Variants in EIF2AK4 observed in about 807,000 individuals in gnomAD.
The protein encoded by EIF2AK4 is eIF-2-alpha kinase GCN2.
EIF2AK4 carries 139 observed loss-of-function variants against 211.1 expected under a neutral mutation model. The ratio of observed to expected loss-of-function variants is 0.66; its 90% CI spans 0.57 to 0.76. The LOEUF is 0.76. Ranked by LOEUF, EIF2AK4 falls within the 30% of genes least tolerant of loss-of-function variation. The probability of loss-of-function intolerance (pLI) is 0.00; values close to 1 mark genes in which losing one functional copy is unlikely to be tolerated. For missense variants in EIF2AK4, 1,664 were observed against 2,043.8 expected (o/e 0.81, Z 3.58); for synonymous variants, 710 against 751.3 (o/e 0.94, Z 0.90).
chr15:39,992,411 G>T (rs541449181), intron 17 of EIF2AK4, 182 bp downstream of exon 17: 2 of 546,556 alleles, frequency 3.7e-6, no homozygotes, highest in East Asian at 5.9e-5. Flanking sequence ...ATTATTCTTT[G>T]AACTTTAAGA....
intron 16 of EIF2AK4, among the ~76,000 whole-genome samples, chr15:39,990,690 T>C (rs1000528671): frequency 6.6e-6 from 1 of 152,268 alleles, no homozygotes; most frequent in Non-Finnish European, 1.5e-5. Flanking sequence ...GGCTAGATGC[T>C]TTATACCTCA....
chr15:39,989,029 G>A (rs1226671503), intron 15 of EIF2AK4, among the ~76,000 whole-genome samples: 1 of 152,108 alleles, frequency 6.6e-6, no homozygotes, highest in Non-Finnish European at 1.5e-5. Context: ...ATTAAGCAAG[G>A]ATGTGATTAA....
chr15:40,019,472 G>C (rs1035710487), intron 30 of EIF2AK4, among the ~76,000 whole-genome samples: 1 of 152,114 alleles, frequency 6.6e-6, no homozygotes, highest in Admixed American at 6.5e-5. Context: ...GGCCTGTTAC[G>C]AACCGGGCCG....
intron 4 of EIF2AK4, among the ~76,000 whole-genome samples, chr15:39,949,998 A>G (rs960119778): frequency 5.3e-5 from 8 of 151,734 alleles, no homozygotes; most frequent in African/African-American, 9.7e-5. Flanking sequence ...TCCCTTTTTT[A>G]TTTTAATTTA....
intron 4 of EIF2AK4, among the ~76,000 whole-genome samples, chr15:39,952,145 A>G (rs779682766): frequency 7.2e-5 from 11 of 152,226 alleles, no homozygotes; most frequent in Non-Finnish European, 1.5e-4. Flanking sequence ...CAAAACAAAC[A>G]TCCTGGGATT....
chr15:39,939,030 C>T (rs2034106698), intron 1 of EIF2AK4, among the ~76,000 whole-genome samples: 1 of 152,192 alleles, frequency 6.6e-6, no homozygotes, highest in Non-Finnish European at 1.5e-5. Context: ...CAATTCAAAT[C>T]TCCCCTGCTC....
At chr15:39,944,582 C>T (rs1363432688) in intron 3 of EIF2AK4, among the ~76,000 whole-genome samples, 1 of 152,090 alleles carries the variant, frequency 6.6e-6, no homozygotes, top group Non-Finnish European at 1.5e-5. Context: ...CAGGCACCCA[C>T]CACCATGCCC....
At chr15:40,005,352 G>A (rs1342235477) in intron 23 of EIF2AK4, among the ~76,000 whole-genome samples, 1 of 151,730 alleles carries the variant, frequency 6.6e-6, no homozygotes, top group African/African-American at 2.4e-5. Flanking sequence ...TTTTATTATA[G>A]AGAAAGAAAA....
At chr15:39,993,210 A>G (rs1210470182) in intron 18 of EIF2AK4, among the ~76,000 whole-genome samples, 1 of 151,736 alleles carries the variant, frequency 6.6e-6, no homozygotes, top group Admixed American at 6.6e-5. Context: ...CCGTCCATCC[A>G]TCCATCCATC....
intron 30 of EIF2AK4, among the ~76,000 whole-genome samples, chr15:40,019,765 G>A (rs2035358037): frequency 6.6e-6 from 1 of 152,086 alleles, no homozygotes; most frequent in African/African-American, 2.4e-5. Flanking sequence ...GAAGACTTCT[G>A]CCTTAGACAA....
chr15:39,934,199 G>A lies in EIF2AK4; in HGVS notation c.4G>A (p.Ala2Thr). 6.4e-7 allele frequency: 1 copy of A among 1,559,782 alleles called. No homozygotes were observed. Among genetic ancestry groups the A allele is most frequent in the Non-Finnish European group, 8.7e-7 (1 of 1,154,162 alleles). The change falls in exon 1 of 39, where the codon GCT becomes ACT. Residue 2 changes from alanine (A) to threonine (T), a missense_variant. By Grantham distance (58) the Ala-to-Thr change is moderately conservative. Transcript: ENST00000263791. M[A>T]GGRGAPGRGR... ...CTGCCTTGGGCGCAGCGCTGCCATGGCTGGGGGCCGTGGGGCCCCCGGGCG... is the reference window on the plus strand; with the variant it reads ...CTGCCTTGGGCGCAGCGCTGCCATGACTGGGGGCCGTGGGGCCCCCGGGCG...
At chr15:40,017,298 T>G (rs2035316012) in intron 29 of EIF2AK4, 56 bp downstream of exon 29, 8 of 1,526,710 alleles carry the variant, frequency 5.2e-6, no homozygotes, top group Non-Finnish European at 7.1e-6. Context: ...CTTCTAAACT[T>G]GTTATTTTGA....
chr15:40,029,252 C>A, intron 33 of EIF2AK4, 154 bp from the exon 34 acceptor site: 1 of 970,668 alleles, frequency 1.0e-6, no homozygotes, highest in Non-Finnish European at 1.2e-6. Flanking sequence ...TAACTAAATG[C>A]AAATTTTTTG....
chr15:39,967,721 T>C lies in EIF2AK4; in HGVS notation c.1395T>C (p.Arg465=), dbSNP rs760254120. ...KEDVFEQTRV[R]FSDNALPYKT... is the part of the protein sequence containing the mutation. ...ATGTGTTTGAGCAAACCCGAGTTCG[T>C]TTTAGTGACAATGCTCTGCCTTATA... is the stretch of plus-strand genomic sequence containing the variant. The change falls in exon 9 of 39, where the codon CGT becomes CGC. Residue 465 remains arginine (R), a synonymous_variant. Coordinates refer to ENST00000263791, the MANE Select transcript of EIF2AK4 (RefSeq NM_001013703.4). 6.2e-7 allele frequency: 1 copy of C among 1,614,148 alleles called. No homozygotes were observed. The highest frequency in any genetic ancestry group is 8.5e-7 in the Non-Finnish European group (1 of 1,180,010).
chr15:39,989,129 A>G (rs1036683653), intron 15 of EIF2AK4, among the ~76,000 whole-genome samples: 1 of 152,224 alleles, frequency 6.6e-6, no homozygotes, highest in Admixed American at 6.5e-5. Flanking sequence ...AAGAAGAGAA[A>G]TGAGACTTTC....
chr15:40,002,793 G>A lies in EIF2AK4; in HGVS notation c.3235+5G>A. The stretch of plus-strand genomic sequence containing the variant: ...TCCGCATCTTTAAAAGACATGGTAT[G>A]TACGCCCTTTTTAAAAATGATATTT... On this transcript the variant is annotated splice_donor_5th_base_variant and intron_variant, in intron 22 of 38. Coordinates refer to ENST00000263791, the MANE Select transcript of EIF2AK4 (RefSeq NM_001013703.4). 2 of 1,614,010 alleles carry A rather than the reference G, an allele frequency of 1.2e-6. No homozygotes were observed. Among genetic ancestry groups the A allele is most frequent in the East Asian group, 2.2e-5 (1 of 44,882 alleles).
At chr15:39,987,266 G>T (rs1262399501) in intron 14 of EIF2AK4, among the ~76,000 whole-genome samples, 1 of 152,230 alleles carries the variant, frequency 6.6e-6, no homozygotes, top group African/African-American at 2.4e-5. Flanking sequence ...AGGGGGCCTT[G>T]TGAGGCCCGG....
At chr15:39,983,671 AC>A (rs1331820738) in intron 13 of EIF2AK4, among the ~76,000 whole-genome samples, 9 of 152,110 alleles carry the variant, frequency 5.9e-5, no homozygotes, top group African/African-American at 2.2e-4. Flanking sequence ...CATACGCCCG[AC>A]CTCAGGTGAA....
At chr15:39,973,084 C>A in intron 10 of EIF2AK4, 70 bp downstream of exon 10, 2 of 1,293,644 alleles carry the variant, frequency 1.5e-6, no homozygotes, top group Admixed American at 1.7e-5. Flanking sequence ...ATACATAAAC[C>A]AAAAACTGGA....
Sources: gnomAD v4.1 joint callset for allele counts (sites outside exome capture counted in the v4.1 genomes callset) on GRCh38, gnomAD v4.1.1 for gene constraint, MANE v1.5 for transcripts, NCBI Gene and HGNC (gene_info 2026-07-23, HGNC 2026-07-21) for gene names.